Variants in NEGR1 observed in about 807,000 individuals in gnomAD.
The protein encoded by NEGR1 is neuronal growth regulator 1.
NEGR1 carries 10 observed loss-of-function variants against 40.9 expected under a neutral mutation model. The observed-to-expected ratio is 0.24, with a 90% CI of 0.15 to 0.42. The LOEUF (loss-of-function observed/expected upper bound fraction) is 0.42, where lower values mean the gene tolerates loss of function less well. Among genes scored for constraint, NEGR1 ranks in the 10% least tolerant of loss-of-function variants. NEGR1 has a pLI of 1.00. For synonymous variants in NEGR1, 185 were observed against 166.8 expected (o/e 1.11, Z -0.84); for missense variants, 352 against 438.9 (o/e 0.80, Z 1.77).
In NEGR1 at chr1:71,537,909, G is replaced by C. The variant is rs534769170; in HGVS notation, c.940+54908C>G. On this transcript the variant is annotated intron_variant, in intron 6 of 6. Coordinates refer to ENST00000357731, the MANE Select transcript of NEGR1 (RefSeq NM_173808.3). ...GAGCAACAGTAAAGGTCCTCAGTGA[G>C]ATTTTCTTATGGGTCTTATTATGTG... 3.9e-4 allele frequency among the ~76,000 whole-genome samples: 59 copies of C among 151,770 alleles called. 1 individual carries two copies. The South Asian group carries it at 0.012, about 31-fold the overall frequency.
intron 2 of NEGR1, among the ~76,000 whole-genome samples, chr1:71,812,079 G>T (rs1658023827): frequency 6.6e-6 from 1 of 151,814 alleles, no homozygotes; most frequent in Non-Finnish European, 1.5e-5. Context: ...CACAGTGTGT[G>T]TTGTTCCCCT....
chr1:72,018,570 G>A (rs930601745), intron 1 of NEGR1, among the ~76,000 whole-genome samples: 3 of 151,802 alleles, frequency 2.0e-5, no homozygotes, highest in Non-Finnish European at 4.4e-5. Flanking sequence ...GGGACACCAG[G>A]GTAAAAAACA....
In NEGR1 at chr1:71,752,828, A is replaced by G. The variant is rs571441824; in HGVS notation, c.535+23344T>C. Among the ~76,000 whole-genome samples, 4 of 152,210 alleles carry G rather than the reference A, an allele frequency of 2.6e-5. No individual in the cohort carries two copies. In the East Asian group the frequency reaches 7.7e-4, roughly 29 times the overall value. ...AGGAACAGGAGATTCGCTACTTAAC[A>G]TGGTTTCAGTTCTATGTTATACTAG... On this transcript the variant is annotated intron_variant, in intron 3 of 6. Transcript: ENST00000357731.
chr1:71,498,791 A>G (rs1646981580), intron 6 of NEGR1, among the ~76,000 whole-genome samples: 2 of 152,138 alleles, frequency 1.3e-5, no homozygotes, highest in Non-Finnish European at 2.9e-5. Context: ...CACTCATAAG[A>G]TCATTTGCCT....
intron 6 of NEGR1, among the ~76,000 whole-genome samples, chr1:71,484,496 T>C (rs1358882826): frequency 6.6e-6 from 1 of 151,738 alleles, no homozygotes; most frequent in African/African-American, 2.4e-5. Context: ...AAAAAGCCAA[T>C]ATCATAAATG....
chr1:72,054,713 T>C (rs939972439), intron 1 of NEGR1, among the ~76,000 whole-genome samples: 18 of 151,236 alleles, frequency 1.2e-4, no homozygotes, highest in Non-Finnish European at 2.2e-4. Flanking sequence ...TGACTTTCCA[T>C]TTATCTTATC....
At chr1:72,236,284 G>A (rs1176588372) in intron 1 of NEGR1, among the ~76,000 whole-genome samples, 1 of 152,012 alleles carries the variant, frequency 6.6e-6, no homozygotes, top group Non-Finnish European at 1.5e-5. Flanking sequence ...GACTTTTGAG[G>A]GGTGGGGAGA....
At chr1:71,533,829 G>A (rs186875422) in intron 6 of NEGR1, among the ~76,000 whole-genome samples, 54 of 151,662 alleles carry the variant, frequency 3.6e-4, no homozygotes, top group Non-Finnish European at 4.4e-5. Context: ...AATGCTAAAG[G>A]ATATTAACAA....
rs1274827666 is a variant in NEGR1 at position 71,720,543 on chromosome 1, C to T, written c.536-22404G>A. On this transcript the variant is annotated intron_variant, in intron 3 of 6. Transcript: ENST00000357731. ...CTTCCTTAAAATGAATATGCTCAAA[C>T]GGAGAAGTAACACATATAAACCTGT... Among the ~76,000 whole-genome samples, 5 of 152,088 alleles carry T rather than the reference C, an allele frequency of 3.3e-5. No individual in the cohort carries two copies. In the East Asian group the frequency reaches 7.7e-4, roughly 23 times the overall value.
intron 6 of NEGR1, among the ~76,000 whole-genome samples, chr1:71,450,385 ACT>A (rs3050687): frequency 0.21 from 31,725 of 152,120 alleles, 4,018 homozygotes; most frequent in East Asian, 0.58. Flanking sequence ...AGTAATTGTA[ACT>A]CTATCATTTA....
At chr1:71,898,531 C>T (rs1031402632) in intron 2 of NEGR1, among the ~76,000 whole-genome samples, 5 of 152,110 alleles carry the variant, frequency 3.3e-5, no homozygotes, top group African/African-American at 1.2e-4. Flanking sequence ...AGGAGAATGG[C>T]GTGAACCCGG....
intron 1 of NEGR1, among the ~76,000 whole-genome samples, chr1:72,048,825 A>T (rs1020704834): frequency 2.0e-5 from 3 of 150,548 alleles, no homozygotes; most frequent in African/African-American, 7.3e-5. Context: ...TTAACTGGAC[A>T]TTTTTTTTTG....
chr1:72,149,285 T>G (rs1014981079), intron 1 of NEGR1, among the ~76,000 whole-genome samples: 12 of 152,104 alleles, frequency 7.9e-5, no homozygotes, highest in Non-Finnish European at 1.8e-4. Context: ...ACAGTCCCCA[T>G]GATTCAACTA....
intron 1 of NEGR1, among the ~76,000 whole-genome samples, chr1:72,029,483 C>G (rs951516736): frequency 1.3e-5 from 2 of 152,154 alleles, no homozygotes; most frequent in Non-Finnish European, 2.9e-5. Context: ...AAGTATGACA[C>G]TCATAGAATG....
At chr1:71,560,217 C>G (rs1648402662) in intron 6 of NEGR1, among the ~76,000 whole-genome samples, 1 of 151,050 alleles carries the variant, frequency 6.6e-6, no homozygotes, top group Admixed American at 6.6e-5. Flanking sequence ...ATAGTTTCCA[C>G]TTAAAGATGA....
intron 6 of NEGR1, among the ~76,000 whole-genome samples, chr1:71,538,713 T>C (rs1647589549): frequency 6.6e-6 from 1 of 151,722 alleles, no homozygotes; most frequent in Non-Finnish European, 1.5e-5. Flanking sequence ...AGCAGAGGCT[T>C]CGTGCATGGA....
intron 1 of NEGR1, among the ~76,000 whole-genome samples, chr1:72,257,631 A>G (rs1271417701): frequency 1.3e-5 from 2 of 152,116 alleles, no homozygotes; most frequent in Admixed American, 1.3e-4. Context: ...GGGCAAAAGG[A>G]GAAGGTAACT....
At chr1:71,529,299 A>G (rs139505220) in intron 6 of NEGR1, among the ~76,000 whole-genome samples, 52 of 151,352 alleles carry the variant, frequency 3.4e-4, no homozygotes, top group African/African-American at 1.2e-3. Context: ...TACAATTTTA[A>G]CTTTTTAGAT....
At chr1:71,825,402 A>G (rs531248902) in intron 2 of NEGR1, among the ~76,000 whole-genome samples, 1 of 152,014 alleles carries the variant, frequency 6.6e-6, no homozygotes, top group South Asian at 2.1e-4. Flanking sequence ...TCCCACTTCT[A>G]CACATTTTCA....
Sources: allele counts gnomAD v4.1 joint callset (sites outside exome capture counted in the v4.1 genomes callset), GRCh38; gene constraint gnomAD v4.1.1; transcripts MANE v1.5; gene names NCBI Gene and HGNC (gene_info 2026-07-23, HGNC 2026-07-21).